Variants in HDLBP observed in about 807,000 individuals in gnomAD.
The protein encoded by HDLBP is high density lipoprotein binding protein, also known as vigilin.
HDLBP carries 30 observed loss-of-function variants against 137.3 expected under a neutral mutation model. That is an observed-to-expected ratio of 0.22 (90% CI 0.16 to 0.30). The LOEUF (loss-of-function observed/expected upper bound fraction) is 0.30. Ranked by LOEUF, HDLBP falls within the 10% of genes least tolerant of loss-of-function variation. HDLBP has a pLI of 1.00. For synonymous variants in HDLBP, 606 were observed against 596.0 expected (o/e 1.02, Z -0.24); for missense variants, 1,119 against 1,667.3 (o/e 0.67, Z 5.73).
At position 241,234,077 on chromosome 2, in the gene HDLBP, C is replaced by T. The variant is rs138579779; in HGVS notation, c.3145-114G>A. On this transcript the variant is annotated intron_variant, in intron 23 of 27. Transcript: ENST00000310931. ...GGAGATGCTGCAGTGTTCTGTAACC[C>T]GTGGTCCGGAATGGTCCGCCATCTC... The T allele has an allele frequency of 7.0e-4, 875 of 1,258,656 alleles. 4 individuals carry two copies. The African/African-American group carries it at 0.011, about 16-fold the overall frequency. 78.0% of individuals were successfully genotyped at this position (1,258,656 alleles called of 1,614,324 possible).
At chr2:241,314,486 G>GTA (rs1559566889) in intron 1 of HDLBP, among the ~76,000 whole-genome samples, 1 of 152,180 alleles carries the variant, frequency 6.6e-6, no homozygotes, top group Non-Finnish European at 1.5e-5. Context: ...AGGGCTTAGG[G>GTA]TATAGGTAGC....
In HDLBP at chr2:241,247,131, G is replaced by A; in HGVS notation, c.1743C>T (p.Ser581=). 1 of 1,609,042 alleles carries A rather than the reference G, an allele frequency of 6.2e-7. No individual in the cohort carries two copies. Among genetic ancestry groups the A allele is most frequent in the Non-Finnish European group, 8.5e-7 (1 of 1,175,424 alleles). ...QKMVADLVEN[S]YSISVPIFKQ... Reference sequence around the variant, plus strand: ...TGAAGATCGGAACAGAAATTGAATAGCTATTTTCCACCTTAAAGACAAAAA... The same window carrying A: ...TGAAGATCGGAACAGAAATTGAATAACTATTTTCCACCTTAAAGACAAAAA... Residue 581 remains serine, a synonymous_variant, in exon 15 of 28, where the codon AGC becomes AGT. Transcript: ENST00000310931.
chr2:241,289,063 T>C (rs896329170), intron 1 of HDLBP, among the ~76,000 whole-genome samples: 16 of 152,222 alleles, frequency 1.1e-4, no homozygotes, highest in African/African-American at 3.9e-4. Context: ...GCTAACGCCA[T>C]GGGTGGAAAA....
At position 241,289,535 on chromosome 2, in the gene HDLBP, A is replaced by G. The variant is rs186227203; in HGVS notation, c.-102-20994T>C. 2.0e-5 allele frequency among the ~76,000 whole-genome samples: 3 copies of G among 152,356 alleles called. No individual in the cohort carries two copies. In the East Asian group the frequency reaches 5.8e-4, roughly 29 times the overall value. On this transcript the variant is annotated intron_variant, in intron 1 of 27. Coordinates refer to ENST00000310931, the MANE Select transcript of HDLBP (RefSeq NM_005336.6). ...ACCGGACTCAGATCAGAACATTACC[A>G]TGTAAGAGAAAAACTGACATACATC...
At chr2:241,314,875 G>C (rs935388304) in intron 1 of HDLBP, among the ~76,000 whole-genome samples, 14 of 152,296 alleles carry the variant, frequency 9.2e-5, no homozygotes, top group Middle Eastern at 3.4e-3. Flanking sequence ...ACCTAGGAAG[G>C]CTTCCTGAAC....
chr2:241,276,530 G>C (rs972458095), intron 1 of HDLBP, among the ~76,000 whole-genome samples: 6 of 152,112 alleles, frequency 3.9e-5, no homozygotes, highest in Non-Finnish European at 7.4e-5. Context: ...CTAAATACGT[G>C]TTAACAGACT....
chr2:241,283,246 G>GA (rs1405980450), intron 1 of HDLBP, among the ~76,000 whole-genome samples: 1 of 152,134 alleles, frequency 6.6e-6, no homozygotes, highest in Non-Finnish European at 1.5e-5. Flanking sequence ...GAAGCTGCAG[G>GA]AAAAAATGTC....
intron 1 of HDLBP, among the ~76,000 whole-genome samples, chr2:241,284,805 G>T (rs766645915): frequency 1.3e-5 from 2 of 152,202 alleles, no homozygotes; most frequent in African/African-American, 2.4e-5. Flanking sequence ...ACATCAAAGC[G>T]AGACCTTCCA....
chr2:241,278,952 G>C (rs1263964351), intron 1 of HDLBP, among the ~76,000 whole-genome samples: 3 of 152,170 alleles, frequency 2.0e-5, no homozygotes, highest in African/African-American at 7.2e-5. Context: ...TTGAACCCAG[G>C]AGGCGGATGC....
chr2:241,249,979 T>C lies in HDLBP; in HGVS notation c.1374A>G (p.Ile458Met). The C allele has an allele frequency of 6.3e-7, 1 of 1,598,924 alleles. No homozygotes were observed. The highest frequency in any genetic ancestry group is 8.5e-7 in the Non-Finnish European group (1 of 1,174,640). The change falls in exon 12 of 28, where the codon ATA becomes ATG. Residue 458 changes from isoleucine (I) to methionine (M), a missense_variant and splice_region_variant. This residue lies in a region of HDLBP where 425 missense variants were observed against 693.9 expected (regional missense o/e 0.61). Transcript: ENST00000310931. Reference sequence around the variant, plus strand: ...CCTTGTACTGGTCTTTGATTCTGTTTACTTAGGAACACAAAAGGAAACACA... The same window carrying C: ...CCTTGTACTGGTCTTTGATTCTGTTCACTTAGGAACACAAAAGGAAACACA... ...RHLIGKSGAN[I>M]NRIKDQYKVS...
At chr2:241,312,467 G>C (rs1027195908) in intron 1 of HDLBP, among the ~76,000 whole-genome samples, 4 of 152,210 alleles carry the variant, frequency 2.6e-5, no homozygotes, top group Non-Finnish European at 5.9e-5. Flanking sequence ...TTGGTTTCCA[G>C]ATGTTGAACG....
At chr2:241,262,331 C>A (rs1215965143) in intron 5 of HDLBP, among the ~76,000 whole-genome samples, 1 of 152,196 alleles carries the variant, frequency 6.6e-6, no homozygotes, top group East Asian at 1.9e-4. Flanking sequence ...TGCCTGTAAT[C>A]CCAGCTAACT....
chr2:241,257,991 C>T (rs1246234927), intron 5 of HDLBP, among the ~76,000 whole-genome samples: 3 of 152,200 alleles, frequency 2.0e-5, no homozygotes, highest in East Asian at 3.8e-4. Flanking sequence ...AGTGATGGCA[C>T]GCCTGTAATC....
In HDLBP at chr2:241,239,934, T is replaced by G. The variant is rs768491364; in HGVS notation, c.2358A>C (p.Ala786=). ...GGATCAAGGCCTCCAGCTCCTTCTGTGCCTCTCGGACGGCGTCCTCCTTTC... is the reference window on the plus strand; with the variant it reads ...GGATCAAGGCCTCCAGCTCCTTCTGGGCCTCTCGGACGGCGTCCTCCTTTC... The part of the protein sequence containing the change: ...IIGKEDAVRE[A]QKELEALIQN... The change falls in exon 18 of 28, where the codon GCA becomes GCC. Residue 786 remains alanine (A), a synonymous_variant. Transcript: ENST00000310931. The surrounding 1 kb of genome is among the most constrained non-coding windows in gnomAD (Gnocchi z 4.6). 4.3e-6 allele frequency: 7 copies of G among 1,614,222 alleles called. No homozygotes were observed. In the East Asian group the frequency reaches 6.7e-5, roughly 15 times the overall value.
chr2:241,230,260 G>C lies in HDLBP; in HGVS notation c.3484C>G (p.Arg1162Gly). ...KIMDEFKVDIRFPQSGAPDPN... is the reference protein window; with the variant it reads ...KIMDEFKVDIGFPQSGAPDPN... ...TCTGGGGCTCCGCTCTGTGGGAAGC[G>C]AATGTCCACCTGGAAGGGGTGTACA... Residue 1162 changes from arginine to glycine, a missense_variant, in exon 26 of 28, where the codon CGC becomes GGC. This residue lies in a region of HDLBP where 618 missense variants were observed against 816.7 expected (regional missense o/e 0.76). Transcript: ENST00000310931. The surrounding 1 kb of genome is among the most constrained non-coding windows in gnomAD (Gnocchi z 5.0). 6.3e-7 allele frequency: 1 copy of C among 1,586,612 alleles called. No individual in the cohort carries two copies. The highest frequency in any genetic ancestry group is 8.6e-7 in the Non-Finnish European group (1 of 1,159,772).
chr2:241,314,839 G>T (rs575130487), intron 1 of HDLBP, among the ~76,000 whole-genome samples: 11 of 152,202 alleles, frequency 7.2e-5, no homozygotes, highest in Non-Finnish European at 1.6e-4. Context: ...TAGGAACTCA[G>T]GAAGTGTTTC....
intron 1 of HDLBP, chr2:241,271,157 T>TC: frequency 4.1e-6 from 4 of 984,592 alleles, no homozygotes; most frequent in Non-Finnish European, 4.8e-6. Context: ...TCTCCTTCAG[T>TC]CCCTCCCATA....
At chr2:241,263,834 T>G (rs1034651189) in intron 4 of HDLBP, among the ~76,000 whole-genome samples, 1 of 152,144 alleles carries the variant, frequency 6.6e-6, no homozygotes, top group Admixed American at 6.5e-5. Context: ...CCCATTCATC[T>G]GACAAACACT....
rs1459355982 is a variant in HDLBP, at chr2:241,239,687, G to C, written c.2525C>G (p.Thr842Arg). 1.2e-6 allele frequency: 2 copies of C among 1,614,126 alleles called. No homozygotes were observed. The highest frequency in any genetic ancestry group is 1.7e-5 in the Admixed American group (1 of 60,022). Residue 842 changes from threonine (T) to arginine (R), a missense_variant, in exon 19 of 28, where the codon ACA becomes AGA. Thr to Arg is a moderately conservative substitution (Grantham distance 71). Around this residue, in one of 4 missense-constraint regions of HDLBP, gnomAD observed 618 missense variants for 816.7 expected, o/e 0.76. Transcript: ENST00000310931. This position sits in a 1 kb window ranked among gnomAD's most constrained non-coding sequence, Gnocchi z 4.6. ...GVMVSFPRSG[T>R]QSDKVTLKGA... is the part of the protein sequence containing the mutation. ...CTTGAGGGTGACTTTGTCGCTCTGT[G>C]TGCCAGAGCGTGGGAAGCTGACCAT...
Sources: gnomAD v4.1 joint callset for allele counts (sites outside exome capture counted in the v4.1 genomes callset) on GRCh38, gnomAD v4.1.1 for gene constraint, gnomAD v4.1.1 regional missense constraint, Gnocchi (gnomAD v3.1) non-coding constraint, MANE v1.5 for transcripts, NCBI Gene and HGNC (gene_info 2026-07-23, HGNC 2026-07-21) for gene names.